The following COMMD10 variants were observed in gnomAD, a reference collection of about 807,000 sequenced individuals.
COMMD10 encodes COMM domain containing 10.
COMMD10 carries 33 observed loss-of-function variants against 28.9 expected under a neutral mutation model. That is an observed-to-expected ratio of 1.14 (90% CI 0.87 to 1.53). The LOEUF (loss-of-function observed/expected upper bound fraction) is 1.53. Among genes scored for constraint, COMMD10 ranks in the 40% most tolerant of loss-of-function variants. COMMD10 has a pLI of 0.00. For missense variants in COMMD10, 310 were observed against 233.4 expected, an observed-to-expected ratio of 1.33 and a Z score of -2.14; for synonymous variants, 110 against 81.7, an observed-to-expected ratio of 1.35 and a Z score of -1.87.
At chr5:116,292,004 C>T (rs959109032) in intron 6 of COMMD10, among the ~76,000 whole-genome samples, 8 of 151,870 alleles carry the variant, frequency 5.3e-5, no homozygotes, top group African/African-American at 1.9e-4. Context: ...ACTCCCTCCA[C>T]CCCCCAACTT....
intron 5 of COMMD10, among the ~76,000 whole-genome samples, chr5:116,150,258 A>T (rs1752478947): frequency 6.6e-6 from 1 of 152,148 alleles, no homozygotes; most frequent in Non-Finnish European, 1.5e-5. Context: ...TGGTTACTGT[A>T]GCCTTGTAGT....
intron 5 of COMMD10, among the ~76,000 whole-genome samples, chr5:116,165,792 C>T (rs1250943004): frequency 6.6e-6 from 1 of 152,032 alleles, no homozygotes; most frequent in Admixed American, 6.6e-5. Flanking sequence ...CAGTGCTGTA[C>T]CCTTGTGACC....
intron 5 of COMMD10, among the ~76,000 whole-genome samples, chr5:116,223,168 A>G (rs948918354): frequency 3.3e-5 from 5 of 152,128 alleles, no homozygotes; most frequent in Admixed American, 6.5e-5. Flanking sequence ...TATTAGTCTT[A>G]ACAGAAGTCA....
Position 116,108,304 on chromosome 5 carries a change from A to T in COMMD10, c.399+15604A>T, listed in dbSNP as rs183291364. ...CCCCTTTCCCCAGGTGCTCTGTCCC[A>T]GGGAGATGGGGGTTTTATCTATAAG... On this transcript the variant is annotated intron_variant, in intron 4 of 6. Coordinates refer to ENST00000274458, the MANE Select transcript of COMMD10 (RefSeq NM_016144.4). Among the ~76,000 whole-genome samples the T allele has an allele frequency of 7.9e-3, 1,201 of 152,328 alleles. 16 individuals are homozygous for T. The highest frequency in any genetic ancestry group is 0.027 in the African/African-American group (1,107 of 41,576).
chr5:116,177,794 T>C (rs1214614807), intron 5 of COMMD10, among the ~76,000 whole-genome samples: 1 of 152,176 alleles, frequency 6.6e-6, no homozygotes, highest in African/African-American at 2.4e-5. Flanking sequence ...TAAGTGGCCA[T>C]TTCACTTTGA....
rs1269347278 is a variant in COMMD10 at position 116,091,085 on chromosome 5, A to T, written c.139A>T (p.Ser47Cys). The change falls in exon 3 of 7, where the codon AGC (serine) becomes TGC (cysteine). Residue 47 changes from serine (S) to cysteine (C), a missense_variant. Ser to Cys is a moderately radical substitution (Grantham distance 112). Transcript: ENST00000274458. ...ILQKLHLKAE[S>C]SFSEEEEEKL... ...ATTGCTATTTGTATTATAGGCTGAG[A>T]GCAGTTTCAGTGAAGAAGAGGAAGA... 4.4e-6 allele frequency: 7 copies of T among 1,603,290 alleles called. No homozygotes were observed. Among genetic ancestry groups the T allele is most frequent in the African/African-American group, 2.7e-5 (2 of 74,646 alleles).
intron 5 of COMMD10, among the ~76,000 whole-genome samples, chr5:116,153,896 G>GT (rs1561634866): frequency 6.6e-6 from 1 of 152,016 alleles, no homozygotes. Context: ...AATTGTTCCT[G>GT]TTTTTTTCCT....
intron 5 of COMMD10, among the ~76,000 whole-genome samples, chr5:116,160,661 T>C (rs186356395): frequency 9.2e-5 from 14 of 152,270 alleles, no homozygotes; most frequent in African/African-American, 2.2e-4. Context: ...ATGAACAATC[T>C]GCTGATACTA....
At chr5:116,274,046 A>G (rs1580603829) in intron 5 of COMMD10, among the ~76,000 whole-genome samples, 1 of 151,740 alleles carries the variant, frequency 6.6e-6, no homozygotes, top group Admixed American at 6.6e-5. Context: ...ATATGATCTA[A>G]CAGCCTCTGC....
At chr5:116,215,395 T>C (rs903700715) in intron 5 of COMMD10, among the ~76,000 whole-genome samples, 1 of 151,912 alleles carries the variant, frequency 6.6e-6, no homozygotes, top group African/African-American at 2.4e-5. Flanking sequence ...ACATCTAGCT[T>C]TTATAAAATT....
At chr5:116,269,989 T>C (rs1253096034) in intron 5 of COMMD10, among the ~76,000 whole-genome samples, 1 of 151,920 alleles carries the variant, frequency 6.6e-6, no homozygotes, top group Non-Finnish European at 1.5e-5. Context: ...TTGCCATTTT[T>C]ATTGTTATTT....
At chr5:116,148,672 A>C (rs1199768141) in intron 5 of COMMD10, among the ~76,000 whole-genome samples, 1 of 151,768 alleles carries the variant, frequency 6.6e-6, no homozygotes, top group Non-Finnish European at 1.5e-5. Context: ...ATGGATTCTT[A>C]ATATGACACC....
At chr5:116,192,509 T>A (rs746520589) in intron 5 of COMMD10, among the ~76,000 whole-genome samples, 2 of 152,054 alleles carry the variant, frequency 1.3e-5, no homozygotes, top group Admixed American at 6.6e-5. Context: ...GACAAACTTA[T>A]AGAAATGTGA....
At chr5:116,094,118 T>G (rs1304211839) in intron 4 of COMMD10, among the ~76,000 whole-genome samples, 1 of 152,136 alleles carries the variant, frequency 6.6e-6, no homozygotes, top group Non-Finnish European at 1.5e-5. Context: ...AGGCAAAAAT[T>G]TTATGGCTGA....
intron 2 of COMMD10, among the ~76,000 whole-genome samples, chr5:116,089,241 G>C (rs59429923): frequency 0.11 from 16,979 of 152,088 alleles, 1,390 homozygotes; most frequent in African/African-American, 0.22. Flanking sequence ...GTCATCTCTG[G>C]TCATCTTCAT....
chr5:116,133,783 C>T (rs755595153), intron 4 of COMMD10, among the ~76,000 whole-genome samples: 2 of 152,020 alleles, frequency 1.3e-5, no homozygotes, highest in African/African-American at 4.8e-5. Flanking sequence ...AAACCATTGG[C>T]TCTTTTAATA....
intron 5 of COMMD10, among the ~76,000 whole-genome samples, chr5:116,160,417 G>C (rs1156401322): frequency 2.0e-5 from 3 of 152,122 alleles, no homozygotes; most frequent in South Asian, 4.1e-4. Flanking sequence ...CCTAATATCA[G>C]GTGCTGTATT....
intron 5 of COMMD10, among the ~76,000 whole-genome samples, chr5:116,140,255 G>GTGTGTA (rs1490178257): frequency 6.6e-6 from 1 of 151,302 alleles, no homozygotes; most frequent in Admixed American, 6.6e-5. Flanking sequence ...GTGTGTGTGT[G>GTGTGTA]TATGTGTCTG....
chr5:116,251,260 T>TTTTC (rs1750106445), intron 5 of COMMD10, among the ~76,000 whole-genome samples: 1 of 135,576 alleles, frequency 7.4e-6, no homozygotes, highest in Non-Finnish European at 1.6e-5. Flanking sequence ...AAGCAGACTC[T>TTTTC]TTTCTTTTTA....
Sources: allele counts gnomAD v4.1 joint callset (sites outside exome capture counted in the v4.1 genomes callset), GRCh38; gene constraint gnomAD v4.1.1; transcripts MANE v1.5; gene names NCBI Gene and HGNC (gene_info 2026-07-23, HGNC 2026-07-21).